Variants in MEIS2 observed in about 807,000 individuals in gnomAD.
MEIS2 encodes Meis homeobox 2, also known as homeobox protein Meis2.
A neutral mutation model predicts 58.6 loss-of-function variants in MEIS2; 9 were observed. The ratio of observed to expected loss-of-function variants is 0.15; its 90% CI spans 0.09 to 0.27. The LOEUF is 0.27. Among genes scored for constraint, MEIS2 ranks in the 10% least tolerant of loss-of-function variants. The pLI, the probability that MEIS2 is intolerant of heterozygous loss-of-function variation, is 1.00. For missense variants in MEIS2, 427 were observed against 635.0 expected (o/e 0.67, Z 3.52); for synonymous variants, 221 against 228.4 (o/e 0.97, Z 0.29).
chr15:37,009,862 A>T (rs960582864), intron 8 of MEIS2, among the ~76,000 whole-genome samples: 1 of 152,374 alleles, frequency 6.6e-6, no homozygotes, highest in Non-Finnish European at 1.5e-5. Flanking sequence ...AGATACACAG[A>T]GTAAATATGG....
At chr15:36,999,355 T>A (rs568546479) in intron 8 of MEIS2, among the ~76,000 whole-genome samples, 6 of 152,196 alleles carry the variant, frequency 3.9e-5, no homozygotes, top group Non-Finnish European at 8.8e-5. Context: ...AATTTACTCA[T>A]AGTAAACCAT....
At chr15:36,987,099 G>C (rs2060117791) in intron 8 of MEIS2, among the ~76,000 whole-genome samples, 1 of 152,086 alleles carries the variant, frequency 6.6e-6, no homozygotes, top group South Asian at 2.1e-4. Context: ...GTGTGTGGTA[G>C]AGAGTACACA....
chr15:37,037,027 G>T (rs989404231), intron 7 of MEIS2, 68 bp from the exon 8 acceptor site: 1 of 1,458,398 alleles, frequency 6.9e-7, no homozygotes, highest in Non-Finnish European at 9.3e-7. Context: ...TGCAGCTAAT[G>T]ATGAGCTCAG....
At chr15:37,031,799 A>C (rs1595968761) in intron 8 of MEIS2, among the ~76,000 whole-genome samples, 1 of 146,626 alleles carries the variant, frequency 6.8e-6, no homozygotes, top group Admixed American at 6.9e-5. Context: ...AGCTGCATAC[A>C]TAATATTACA....
intron 8 of MEIS2, among the ~76,000 whole-genome samples, chr15:36,962,570 CT>C (rs202210329): frequency 4.0e-5 from 6 of 151,320 alleles, no homozygotes; most frequent in Admixed American, 1.3e-4. Context: ...TTTTTGTTGT[CT>C]TTTTTTTCAT....
intron 6 of MEIS2, 58 bp downstream of exon 6, chr15:37,093,523 G>A (rs995131604): frequency 1.3e-6 from 2 of 1,589,264 alleles, no homozygotes; most frequent in African/African-American, 1.3e-5. Flanking sequence ...TTAAAACAAG[G>A]TTAAAATAAT....
At chr15:37,042,142 C>A (rs2062452890) in intron 7 of MEIS2, among the ~76,000 whole-genome samples, 1 of 152,084 alleles carries the variant, frequency 6.6e-6, no homozygotes, top group Non-Finnish European at 1.5e-5. Context: ...CGGAGTAAGA[C>A]CCTATCTCAA....
At chr15:37,099,212 C>T in intron 1 of MEIS2, 1 of 1,418,472 alleles carries the variant, frequency 7.0e-7, no homozygotes, top group South Asian at 1.6e-5. Context: ...GCCGCCCGCC[C>T]GCTCGCACAG....
chr15:36,902,105 G>A (rs1014830755), intron 9 of MEIS2, among the ~76,000 whole-genome samples: 6 of 152,180 alleles, frequency 3.9e-5, no homozygotes, highest in Non-Finnish European at 7.3e-5. Flanking sequence ...GATTGAGGGA[G>A]ATTTTGTATG....
chr15:37,019,644 A>G (rs1304675926), intron 8 of MEIS2, among the ~76,000 whole-genome samples: 1 of 152,234 alleles, frequency 6.6e-6, no homozygotes, highest in African/African-American at 2.4e-5. Flanking sequence ...GTGCACATGC[A>G]TATGGCCCGT....
At chr15:37,035,626 T>G (rs537657291) in intron 8 of MEIS2, among the ~76,000 whole-genome samples, 17 of 152,316 alleles carry the variant, frequency 1.1e-4, no homozygotes, top group African/African-American at 4.1e-4. Flanking sequence ...GCTGCCTCAT[T>G]GGTTCTCCCA....
At chr15:36,962,945 G>A (rs890120999) in intron 8 of MEIS2, among the ~76,000 whole-genome samples, 3 of 152,168 alleles carry the variant, frequency 2.0e-5, no homozygotes, top group African/African-American at 4.8e-5. Flanking sequence ...TTATCTAAAT[G>A]AAGACATTTA....
intron 9 of MEIS2, among the ~76,000 whole-genome samples, chr15:36,929,189 C>T (rs1005020676): frequency 1.4e-4 from 22 of 152,170 alleles, no homozygotes; most frequent in African/African-American, 5.3e-4. Context: ...TATAAGAAAT[C>T]TCTCAACTTA....
chr15:36,975,076 T>C (rs935107645), intron 8 of MEIS2, among the ~76,000 whole-genome samples: 2 of 152,178 alleles, frequency 1.3e-5, no homozygotes, highest in Admixed American at 1.3e-4. Context: ...TCATGGAAAA[T>C]ATAGCCACGT....
chr15:37,065,359 A>G (rs1029493151), intron 7 of MEIS2, among the ~76,000 whole-genome samples: 3 of 152,188 alleles, frequency 2.0e-5, no homozygotes, highest in Admixed American at 6.5e-5. Flanking sequence ...TTTAGAGGAA[A>G]AATACTGCCA....
intron 8 of MEIS2, among the ~76,000 whole-genome samples, chr15:36,979,877 A>G (rs184135584): frequency 1.8e-4 from 27 of 147,804 alleles, no homozygotes; most frequent in Admixed American, 1.1e-3. Flanking sequence ...TATAATAAAT[A>G]TATATAATAA....
intron 7 of MEIS2, among the ~76,000 whole-genome samples, chr15:37,081,883 T>C (rs1463674253): frequency 6.6e-6 from 1 of 152,176 alleles, no homozygotes; most frequent in Non-Finnish European, 1.5e-5. Context: ...TACCTATATA[T>C]CAGTCTCAGA....
At chr15:36,947,910 A>G (rs2141381208) in intron 9 of MEIS2, among the ~76,000 whole-genome samples, 2 of 152,122 alleles carry the variant, frequency 1.3e-5, no homozygotes, top group Middle Eastern at 6.8e-3. Context: ...TCATCAAGGC[A>G]TTGGGCAAGT....
intron 7 of MEIS2, among the ~76,000 whole-genome samples, chr15:37,060,789 G>A (rs998863537): frequency 3.9e-5 from 6 of 152,162 alleles, no homozygotes; most frequent in Admixed American, 1.3e-4. Context: ...AGAGTGCAGG[G>A]ATTCGGTACA....
Sources: gnomAD v4.1 joint callset for allele counts (sites outside exome capture counted in the v4.1 genomes callset) on GRCh38, gnomAD v4.1.1 for gene constraint, MANE v1.5 for transcripts, NCBI Gene and HGNC (gene_info 2026-07-23, HGNC 2026-07-21) for gene names.